The following MRPL3 variants were observed in gnomAD, a reference collection of about 807,000 sequenced individuals.
MRPL3 encodes mitochondrial ribosomal protein L3.
A neutral mutation model predicts 44.3 loss-of-function variants in MRPL3; 43 were observed. That is an observed-to-expected ratio of 0.97 (90% CI 0.76 to 1.25). MRPL3 has a LOEUF of 1.25. Among genes scored for constraint, MRPL3 ranks in the 50% most tolerant of loss-of-function variants. The pLI, the probability that MRPL3 is intolerant of heterozygous loss-of-function variation, is 0.00. For synonymous variants in MRPL3, 171 were observed against 152.3 expected (o/e 1.12, Z -0.91); for missense variants, 406 against 427.6 (o/e 0.95, Z 0.45).
intron 9 of MRPL3, among the ~76,000 whole-genome samples, chr3:131,464,002 AT>A (rs1933547445): frequency 6.6e-6 from 1 of 152,272 alleles, no homozygotes; most frequent in African/African-American, 2.4e-5. Flanking sequence ...AATCCCTCTT[AT>A]TAAAATTGTT....
intron 6 of MRPL3, chr3:131,479,295 T>C (rs1181005357): frequency 5.1e-6 from 2 of 393,598 alleles, no homozygotes; most frequent in Non-Finnish European, 1.0e-5. Context: ...CTTGTACATA[T>C]ATCACTCAAA....
intron 6 of MRPL3, among the ~76,000 whole-genome samples, chr3:131,476,727 T>C (rs1340291138): frequency 6.6e-6 from 1 of 152,210 alleles, no homozygotes; most frequent in Non-Finnish European, 1.5e-5. Context: ...GGAAACATTA[T>C]TGTCCTTGCT....
intron 4 of MRPL3, among the ~76,000 whole-genome samples, chr3:131,495,563 A>T (rs879448078): frequency 6.6e-6 from 1 of 152,180 alleles, no homozygotes; most frequent in Non-Finnish European, 1.5e-5. Context: ...CAACATCCAA[A>T]TCACCCTGCT....
intron 4 of MRPL3, among the ~76,000 whole-genome samples, chr3:131,497,618 T>C (rs1360512115): frequency 6.6e-6 from 1 of 152,284 alleles, no homozygotes; most frequent in East Asian, 1.9e-4. Context: ...TTTTCCAAAC[T>C]TAAACTACAA....
intron 3 of MRPL3, among the ~76,000 whole-genome samples, chr3:131,498,573 G>A (rs1489475930): frequency 2.6e-5 from 4 of 151,484 alleles, no homozygotes; most frequent in Non-Finnish European, 5.9e-5. Flanking sequence ...ATGCTGGTGG[G>A]CGCCTATAGT....
At chr3:131,478,707 G>A (rs1340248094) in intron 6 of MRPL3, among the ~76,000 whole-genome samples, 1 of 112,836 alleles carries the variant, frequency 8.9e-6, no homozygotes, top group Non-Finnish European at 1.8e-5. Context: ...TGAAATATTC[G>A]ATTTTTTTTT....
chr3:131,493,064 G>A (rs533467895), intron 4 of MRPL3, among the ~76,000 whole-genome samples: 17 of 151,912 alleles, frequency 1.1e-4, no homozygotes, highest in Admixed American at 7.9e-4. Context: ...CCTGCTGTTC[G>A]CTCTCCCTCA....
At chr3:131,479,868 C>A (rs927049744) in intron 6 of MRPL3, among the ~76,000 whole-genome samples, 2 of 152,078 alleles carry the variant, frequency 1.3e-5, no homozygotes, top group Non-Finnish European at 2.9e-5. Flanking sequence ...AAGATAAAAT[C>A]TTTTAACTGT....
chr3:131,477,925 T>C (rs1053277542), intron 6 of MRPL3, among the ~76,000 whole-genome samples: 45 of 152,178 alleles, frequency 3.0e-4, no homozygotes, highest in African/African-American at 1.1e-3. Flanking sequence ...CTAATGTTCT[T>C]TGAGAAATCT....
At chr3:131,465,853 C>A (rs1933587985) in intron 9 of MRPL3, among the ~76,000 whole-genome samples, 1 of 151,316 alleles carries the variant, frequency 6.6e-6, no homozygotes, top group Non-Finnish European at 1.5e-5. Flanking sequence ...AAAAACAAAA[C>A]TTACAAAAAT....
chr3:131,476,280 T>C (rs565884930), intron 6 of MRPL3, among the ~76,000 whole-genome samples: 1 of 152,140 alleles, frequency 6.6e-6, no homozygotes, highest in East Asian at 1.9e-4. Context: ...CATGACAAAT[T>C]ATTGGCTGAA....
chr3:131,474,786 TAA>T (rs1247230569), intron 6 of MRPL3, among the ~76,000 whole-genome samples: 1 of 125,708 alleles, frequency 8.0e-6, no homozygotes, highest in African/African-American at 2.7e-5. Context: ...TTTTTTTTTT[TAA>T]AGAGACAGGG....
At chr3:131,475,225 G>C (rs79954345) in intron 6 of MRPL3, among the ~76,000 whole-genome samples, 3,401 of 152,064 alleles carry the variant, frequency 0.022, 129 homozygotes, top group African/African-American at 0.078. Context: ...TTTACAAAGA[G>C]GACAAAAAGA....
At chr3:131,486,682 C>T (rs967357758) in intron 6 of MRPL3, among the ~76,000 whole-genome samples, 6 of 152,000 alleles carry the variant, frequency 3.9e-5, no homozygotes, top group Non-Finnish European at 5.9e-5. Context: ...AAGAAGACAA[C>T]TATGCAGCCA....
intron 1 of MRPL3, among the ~76,000 whole-genome samples, chr3:131,502,142 G>A (rs761355191): frequency 9.2e-5 from 14 of 152,176 alleles, no homozygotes; most frequent in Non-Finnish European, 1.6e-4. Context: ...AAGAAACTGG[G>A]TGTGCAAAGT....
intron 4 of MRPL3, among the ~76,000 whole-genome samples, chr3:131,495,375 A>G (rs145119192): frequency 0.011 from 1,615 of 152,316 alleles, 26 homozygotes; most frequent in African/African-American, 0.035. Flanking sequence ...CATTTTATAG[A>G]CAAAGCTTTT....
chr3:131,487,871 G>A (rs2110709037), intron 5 of MRPL3, 131 bp from the exon 6 acceptor site: 2 of 644,938 alleles, frequency 3.1e-6, no homozygotes, highest in Middle Eastern at 4.1e-4. Flanking sequence ...TCTGCAATTA[G>A]AAACATCCAA....
chr3:131,479,991 C>T (rs78710435), intron 6 of MRPL3, among the ~76,000 whole-genome samples: 1,539 of 152,264 alleles, frequency 0.01, 15 homozygotes, highest in Non-Finnish European at 0.016. Context: ...TCCAAATGTT[C>T]TTAGTTTTAA....
At chr3:131,486,590 T>A (rs4854886) in intron 6 of MRPL3, among the ~76,000 whole-genome samples, 1 of 151,384 alleles carries the variant, frequency 6.6e-6, no homozygotes, top group African/African-American at 2.4e-5. Flanking sequence ...ATCCAGAATC[T>A]ACAAAGAACT....
Sources: allele counts gnomAD v4.1 joint callset (sites outside exome capture counted in the v4.1 genomes callset), GRCh38; gene constraint gnomAD v4.1.1; transcripts MANE v1.5; gene names NCBI Gene and HGNC (gene_info 2026-07-23, HGNC 2026-07-21).